The following PDZRN4 variants were observed in gnomAD, a reference collection of about 807,000 sequenced individuals.
The protein encoded by PDZRN4 is PDZ domain-containing RING finger protein 4.
A neutral mutation model predicts 99.0 loss-of-function variants in PDZRN4; 70 were observed. The observed-to-expected ratio is 0.71, with a 90% CI of 0.58 to 0.86. The LOEUF is 0.86. PDZRN4 is among the 40% of genes least tolerant of loss of function. PDZRN4 has a pLI of 0.00. For missense variants in PDZRN4, 1,474 were observed against 1,331.2 expected (o/e 1.11, Z -1.67); for synonymous variants, 551 against 501.6 (o/e 1.10, Z -1.32).
chr12:41,299,634 G>C (rs777835566), intron 3 of PDZRN4, among the ~76,000 whole-genome samples: 5 of 151,884 alleles, frequency 3.3e-5, no homozygotes, highest in Non-Finnish European at 5.9e-5. Flanking sequence ...TTTCAGAGTA[G>C]TTGTTCAGGT....
At chr12:41,238,678 C>A (rs934391807) in intron 3 of PDZRN4, among the ~76,000 whole-genome samples, 1 of 150,582 alleles carries the variant, frequency 6.6e-6, no homozygotes, top group Admixed American at 6.7e-5. Context: ...CAATGAGATA[C>A]CATCTCATAC....
intron 3 of PDZRN4, among the ~76,000 whole-genome samples, chr12:41,469,937 A>C (rs1328130354): frequency 1.3e-5 from 2 of 152,076 alleles, no homozygotes; most frequent in African/African-American, 4.8e-5. Flanking sequence ...CTCAAAAATA[A>C]AAAATAAAAA....
At chr12:41,473,097 G>T (rs929654970) in intron 3 of PDZRN4, among the ~76,000 whole-genome samples, 9 of 149,666 alleles carry the variant, frequency 6.0e-5, no homozygotes, top group African/African-American at 1.7e-4. Flanking sequence ...TTACAGTTTT[G>T]TTTTATTTTT....
chr12:41,372,417 C>T (rs1952048513), intron 3 of PDZRN4, among the ~76,000 whole-genome samples: 1 of 152,020 alleles, frequency 6.6e-6, no homozygotes, highest in Non-Finnish European at 1.5e-5. Context: ...AATCACAAGA[C>T]TGGGTGATAA....
At chr12:41,525,975 C>G (rs1938561573) in intron 5 of PDZRN4, among the ~76,000 whole-genome samples, 1 of 152,080 alleles carries the variant, frequency 6.6e-6, no homozygotes. Flanking sequence ...ATTTCTCAAC[C>G]CATTGAAATC....
At chr12:41,466,642 G>A (rs190513913) in intron 3 of PDZRN4, among the ~76,000 whole-genome samples, 1 of 152,162 alleles carries the variant, frequency 6.6e-6, no homozygotes, top group Admixed American at 6.5e-5. Flanking sequence ...AACGTGGAGG[G>A]GGGGACACCT....
At chr12:41,442,065 C>T (rs1272120251) in intron 3 of PDZRN4, among the ~76,000 whole-genome samples, 1 of 152,112 alleles carries the variant, frequency 6.6e-6, no homozygotes, top group Non-Finnish European at 1.5e-5. Flanking sequence ...CTCCCAATTA[C>T]TATAAAATGA....
chr12:41,224,320 T>G lies in PDZRN4; in HGVS notation c.843+30132T>G, dbSNP rs549279216. ...GCCCCATACTGTGCCATGAATCTCT[T>G]AACCAATGGCCAGCTAAAGTGTGAC... On this transcript the variant is annotated intron_variant, in intron 3 of 9. Transcript: ENST00000402685. Among the ~76,000 whole-genome samples the G allele has an allele frequency of 3.3e-5, 5 of 152,300 alleles. No homozygotes were observed. In the South Asian group the frequency reaches 1.0e-3, roughly 32 times the overall value.
At position 41,482,419 on chromosome 12, in the gene PDZRN4, G is replaced by A. The variant is rs187982064; in HGVS notation, c.844-24037G>A. The stretch of plus-strand genomic sequence containing the variant: ...TTGGATTCTACAACAAGGAAAAAAA[G>A]GAAGAGGGAAATAACTGTTGGCTAG... On this transcript the variant is annotated intron_variant, in intron 3 of 9. Coordinates refer to ENST00000402685, the MANE Select transcript of PDZRN4 (RefSeq NM_001164595.2). Among the ~76,000 whole-genome samples the A allele has an allele frequency of 1.6e-4, 25 of 152,276 alleles. 1 individual carries two copies. The East Asian group carries it at 4.8e-3, about 29-fold the overall frequency.
At chr12:41,563,161 C>T (rs759437325) in intron 7 of PDZRN4, among the ~76,000 whole-genome samples, 9 of 152,068 alleles carry the variant, frequency 5.9e-5, no homozygotes, top group Admixed American at 2.6e-4. Flanking sequence ...TGCAGGATGA[C>T]GGATTTCAGT....
intron 7 of PDZRN4, among the ~76,000 whole-genome samples, chr12:41,556,808 C>G (rs1324070953): frequency 6.6e-6 from 1 of 152,172 alleles, no homozygotes; most frequent in East Asian, 1.9e-4. Flanking sequence ...TATCCTAAAC[C>G]TGCCTTCACC....
At chr12:41,205,215 C>T (rs1048186023) in intron 3 of PDZRN4, among the ~76,000 whole-genome samples, 2 of 151,862 alleles carry the variant, frequency 1.3e-5, no homozygotes, top group East Asian at 3.9e-4. Flanking sequence ...CTGTACTTAT[C>T]CTATCATAGA....
rs1327139385 is a variant in PDZRN4, at chr12:41,266,127, C to T, written c.843+71939C>T. Among the ~76,000 whole-genome samples, 2 of 19,048 alleles carry T rather than the reference C, an allele frequency of 1.0e-4. 1 individual carries two copies. The highest frequency in any genetic ancestry group is 2.5e-4 in the Non-Finnish European group (2 of 8,154). 12.5% of individuals were successfully genotyped at this position (19,048 alleles called of 152,430 possible). A position where few individuals can be genotyped will look rare whatever the true frequency, so the allele number is the denominator to read the frequency against. Reference sequence around the variant, plus strand: ...GAGATCGAGACCATCCCGGCTAAAACGGTGAAACCCCGTCTCTACTAAAAA... The same window carrying T: ...GAGATCGAGACCATCCCGGCTAAAATGGTGAAACCCCGTCTCTACTAAAAA... On this transcript the variant is annotated intron_variant, in intron 3 of 9. Coordinates refer to ENST00000402685, the MANE Select transcript of PDZRN4 (RefSeq NM_001164595.2).
intron 3 of PDZRN4, among the ~76,000 whole-genome samples, chr12:41,300,044 A>C (rs1336054578): frequency 6.6e-6 from 1 of 151,918 alleles, no homozygotes; most frequent in Non-Finnish European, 1.5e-5. Flanking sequence ...TACAATATTT[A>C]TGAATGTATA....
chr12:41,192,020 T>A (rs537304413), intron 2 of PDZRN4, among the ~76,000 whole-genome samples: 67 of 152,062 alleles, frequency 4.4e-4, no homozygotes, highest in Non-Finnish European at 4.4e-5. Flanking sequence ...TCACCCCAAG[T>A]GATCCACCTC....
intron 3 of PDZRN4, among the ~76,000 whole-genome samples, chr12:41,267,048 GA>G (rs1286499596): frequency 6.6e-6 from 1 of 152,124 alleles, no homozygotes; most frequent in Non-Finnish European, 1.5e-5. Context: ...CTCTGCTCAT[GA>G]AACTCTTTTT....
chr12:41,439,535 A>G (rs1020780527), intron 3 of PDZRN4, among the ~76,000 whole-genome samples: 6 of 152,298 alleles, frequency 3.9e-5, no homozygotes, highest in South Asian at 2.1e-4. Context: ...TAAGCTGTTT[A>G]TATTCTACTA....
At chr12:41,326,212 G>A (rs1030587365) in intron 3 of PDZRN4, among the ~76,000 whole-genome samples, 2 of 151,418 alleles carry the variant, frequency 1.3e-5, no homozygotes, top group African/African-American at 2.4e-5. Flanking sequence ...TTCTGGGCTC[G>A]AGCAATCTGC....
chr12:41,557,619 A>T (rs1939190639), intron 7 of PDZRN4, among the ~76,000 whole-genome samples: 3 of 151,066 alleles, frequency 2.0e-5, no homozygotes, highest in Admixed American at 2.0e-4. Flanking sequence ...TCAGGACAAC[A>T]CTCATGGAAT....
Sources: allele counts gnomAD v4.1 joint callset (sites outside exome capture counted in the v4.1 genomes callset), GRCh38; gene constraint gnomAD v4.1.1; transcripts MANE v1.5; gene names NCBI Gene and HGNC (gene_info 2026-07-23, HGNC 2026-07-21).